DLG2: variants seen among roughly 807,000 people sequenced by gnomAD.
DLG2 encodes the protein discs large MAGUK scaffold protein 2, also known as disks large homolog 2.
Under a neutral mutation model 132.5 loss-of-function variants are expected in DLG2, and 45 were observed. The observed-to-expected ratio is 0.34, with a 90% CI of 0.27 to 0.44. The LOEUF (loss-of-function observed/expected upper bound fraction) is 0.44, where lower values mean the gene tolerates loss of function less well. Among genes scored for constraint, DLG2 ranks in the 20% least tolerant of loss-of-function variants. DLG2 has a pLI of 1.00. For synonymous variants in DLG2, 424 were observed against 419.6 expected, an observed-to-expected ratio of 1.01 and a Z score of -0.13; for missense variants, 1,045 against 1,196.9, an observed-to-expected ratio of 0.87 and a Z score of 1.87.
chr11:84,554,699 C>A (rs1270439959), intron 6 of DLG2, among the ~76,000 whole-genome samples: 3 of 151,998 alleles, frequency 2.0e-5, no homozygotes, highest in African/African-American at 7.3e-5. Flanking sequence ...TGAGCTGAGA[C>A]TGAGTCACTG....
chr11:84,596,441 T>C (rs919475619), intron 6 of DLG2, among the ~76,000 whole-genome samples: 1 of 150,282 alleles, frequency 6.7e-6, no homozygotes, highest in Non-Finnish European at 1.5e-5. Context: ...CAGGCTCCTC[T>C]CGAACTTCTG....
At chr11:84,700,521 T>C (rs1293083243) in intron 6 of DLG2, among the ~76,000 whole-genome samples, 1 of 151,672 alleles carries the variant, frequency 6.6e-6, no homozygotes, top group Non-Finnish European at 1.5e-5. Context: ...TAAAAATTTC[T>C]ACAAAATCAG....
chr11:84,399,293 T>G (rs2098821477), intron 7 of DLG2, among the ~76,000 whole-genome samples: 1 of 152,190 alleles, frequency 6.6e-6, no homozygotes, highest in Admixed American at 6.5e-5. Context: ...GTCTCCTTTT[T>G]AATCTCATAG....
chr11:84,010,212 G>T (rs2094806161), intron 11 of DLG2, among the ~76,000 whole-genome samples: 1 of 151,864 alleles, frequency 6.6e-6, no homozygotes, highest in African/African-American at 2.4e-5. Flanking sequence ...TCTATATAAA[G>T]ATTTCTGAGA....
chr11:83,603,054 ATGTG>A (rs1027933580), intron 19 of DLG2, among the ~76,000 whole-genome samples: 2 of 151,296 alleles, frequency 1.3e-5, no homozygotes, highest in South Asian at 2.1e-4. Context: ...ATGTGTGTGT[ATGTG>A]TGTGTATGTG....
At chr11:84,969,049 C>CA (rs1170189526) in intron 6 of DLG2, among the ~76,000 whole-genome samples, 3 of 142,574 alleles carry the variant, frequency 2.1e-5, no homozygotes, top group Non-Finnish European at 1.5e-5. Flanking sequence ...ATCAAAAACT[C>CA]AAAGGAAACT....
intron 7 of DLG2, among the ~76,000 whole-genome samples, chr11:84,345,754 T>C (rs1567352765): frequency 1.3e-5 from 2 of 152,170 alleles, no homozygotes; most frequent in Non-Finnish European, 2.9e-5. Flanking sequence ...TTGCAACTTG[T>C]AGGCCAAATC....
chr11:85,536,450 G>A (rs1306953769), intron 3 of DLG2, among the ~76,000 whole-genome samples: 1 of 152,154 alleles, frequency 6.6e-6, no homozygotes, highest in Non-Finnish European at 1.5e-5. Flanking sequence ...ACCCTATTGA[G>A]AGGTGACAAC....
intron 3 of DLG2, among the ~76,000 whole-genome samples, chr11:85,296,639 A>G (rs1179756708): frequency 6.6e-6 from 1 of 151,390 alleles, no homozygotes; most frequent in African/African-American, 2.4e-5. Context: ...TAAATCTAAT[A>G]TCAACTATCA....
intron 6 of DLG2, among the ~76,000 whole-genome samples, chr11:84,733,681 T>C (rs1463773039): frequency 1.3e-5 from 2 of 152,110 alleles, no homozygotes; most frequent in African/African-American, 4.8e-5. Context: ...GTTGCCATTG[T>C]TTTTGGTGTT....
chr11:85,095,967 C>A (rs549339321), intron 6 of DLG2, among the ~76,000 whole-genome samples: 1 of 152,316 alleles, frequency 6.6e-6, no homozygotes, highest in South Asian at 2.1e-4. Context: ...GGAGAACCTT[C>A]GTGTCTAGCT....
At chr11:83,602,733 A>G (rs2058744990) in intron 19 of DLG2, among the ~76,000 whole-genome samples, 1 of 152,228 alleles carries the variant, frequency 6.6e-6, no homozygotes, top group African/African-American at 2.4e-5. Context: ...ATAGTGGTAT[A>G]GTGAAGAACA....
intron 6 of DLG2, among the ~76,000 whole-genome samples, chr11:85,023,432 G>T (rs1051868570): frequency 6.6e-6 from 1 of 151,948 alleles, no homozygotes; most frequent in African/African-American, 2.4e-5. Flanking sequence ...TCCAGGGAAA[G>T]AAAAACAAGT....
intron 13 of DLG2, among the ~76,000 whole-genome samples, chr11:83,965,113 T>C (rs546691774): frequency 2.6e-5 from 4 of 152,130 alleles, no homozygotes; most frequent in Middle Eastern, 3.4e-3. Context: ...TCCATAATGG[T>C]GGGCATGCCA....
chr11:84,149,608 G>A (rs1014296560), intron 9 of DLG2, among the ~76,000 whole-genome samples: 1 of 152,052 alleles, frequency 6.6e-6, no homozygotes, highest in Non-Finnish European at 1.5e-5. Flanking sequence ...CATGCTATTT[G>A]GTTTCTGTAG....
At chr11:83,638,322 GTCAAAATCC>G (rs2065402931) in intron 18 of DLG2, among the ~76,000 whole-genome samples, 1 of 152,144 alleles carries the variant, frequency 6.6e-6, no homozygotes, top group South Asian at 2.1e-4. Flanking sequence ...TGTAGATGGA[GTCAAAATCC>G]TGGTTGTGCC....
intron 11 of DLG2, among the ~76,000 whole-genome samples, chr11:84,038,833 T>A (rs1197907704): frequency 6.6e-6 from 1 of 151,996 alleles, no homozygotes; most frequent in Non-Finnish European, 1.5e-5. Flanking sequence ...AAACACATCC[T>A]TCTTCACATG....
rs995668888 is a variant in DLG2, at chr11:85,069,488, C to G, written c.357+42173G>C. ...ACAAACAACCCCATCAAAAAGTGGG[C>G]GAAGGATATGAACAGACACTTCTCA... On this transcript the variant is annotated intron_variant, in intron 6 of 27. Coordinates refer to ENST00000376104, the MANE Select transcript of DLG2 (RefSeq NM_001142699.3). 5.1e-4 allele frequency among the ~76,000 whole-genome samples: 77 copies of G among 152,112 alleles called. 2 individuals are homozygous for G. Among genetic ancestry groups the G allele is most frequent in the Non-Finnish European group, 1.6e-4 (11 of 67,986 alleles).
At chr11:85,339,044 C>T (rs954049655) in intron 3 of DLG2, among the ~76,000 whole-genome samples, 1 of 152,234 alleles carries the variant, frequency 6.6e-6, no homozygotes, top group African/African-American at 2.4e-5. Flanking sequence ...ATTTCCTTCA[C>T]ACAAATAAGC....
Sources: gnomAD v4.1 joint callset for allele counts (sites outside exome capture counted in the v4.1 genomes callset) on GRCh38, gnomAD v4.1.1 for gene constraint, MANE v1.5 for transcripts, NCBI Gene and HGNC (gene_info 2026-07-23, HGNC 2026-07-21) for gene names.